The following SATB1 variants were observed in gnomAD, a reference collection of about 807,000 sequenced individuals.
The protein encoded by SATB1 is DNA-binding protein SATB1.
Under a neutral mutation model 86.9 loss-of-function variants are expected in SATB1, and 11 were observed. The observed-to-expected ratio is 0.13, with a 90% confidence interval of 0.08 to 0.21. SATB1 has a LOEUF of 0.21. Among genes scored for constraint, SATB1 ranks in the 10% least tolerant of loss-of-function variants. SATB1 has a pLI of 1.00. For missense variants in SATB1, 551 were observed against 937.6 expected (o/e 0.59, Z 5.39); for synonymous variants, 357 against 357.2 (o/e 1.00, Z 0.01).
At chr3:18,421,056 T>C in intron 1 of SATB1, 65 bp from the exon 2 acceptor site, 1 of 1,101,378 alleles carries the variant, frequency 9.1e-7, no homozygotes, top group Non-Finnish European at 1.4e-6. Flanking sequence ...ATATGTGTCC[T>C]ATGTAAATGT....
At chr3:18,418,099 C>G (rs1454858713) in intron 2 of SATB1, among the ~76,000 whole-genome samples, 4 of 152,282 alleles carry the variant, frequency 2.6e-5, no homozygotes, top group African/African-American at 7.2e-5. Flanking sequence ...CTGTGGCAAA[C>G]TGCCAGAAGG....
At chr3:18,405,339 T>C (rs922048371) in intron 5 of SATB1, among the ~76,000 whole-genome samples, 1 of 151,990 alleles carries the variant, frequency 6.6e-6, no homozygotes, top group African/African-American at 2.4e-5. Flanking sequence ...CTCTAGAGAT[T>C]ACAATTTCTA....
At chr3:18,360,759 C>T (rs533134653) in intron 9 of SATB1, among the ~76,000 whole-genome samples, 6 of 152,248 alleles carry the variant, frequency 3.9e-5, no homozygotes, top group African/African-American at 1.2e-4. Flanking sequence ...ATGCCTGCTC[C>T]ATGGTAACTA....
At chr3:18,440,012 C>T (rs1699195129), upstream of SATB1, among the ~76,000 whole-genome samples, 1 of 152,050 alleles carries the variant, frequency 6.6e-6, no homozygotes, top group African/African-American at 2.4e-5. Flanking sequence ...TCAATGAGCC[C>T]CACTTTATAT....
chr3:18,415,301 A>C (rs1698053532), intron 4 of SATB1, 67 bp from the exon 5 acceptor site: 4 of 1,577,234 alleles, frequency 2.5e-6, no homozygotes, highest in African/African-American at 1.4e-5. Flanking sequence ...ACATTCCTTT[A>C]AGACAGACAG....
chr3:18,432,167 A>AG (rs531596480), intron 2 of SATB1, among the ~76,000 whole-genome samples: 147 of 152,348 alleles, frequency 9.6e-4, no homozygotes, highest in Non-Finnish European at 1.9e-3. Context: ...GCACTTGAAC[A>AG]GAACCAAAGT....
intron 9 of SATB1, among the ~76,000 whole-genome samples, chr3:18,375,412 C>A (rs1695694867): frequency 6.6e-6 from 1 of 152,112 alleles, no homozygotes; most frequent in African/African-American, 2.4e-5. Flanking sequence ...ACAACCAGGG[C>A]AAGACACAGA....
In SATB1 at chr3:18,355,208, A is replaced by G. The variant is rs375221435; in HGVS notation, c.1576-3013T>C. The stretch of plus-strand genomic sequence containing the variant: ...CTTGATGCGCATTGCTCTTAAAAAA[A>G]TAATGGAAAACAGACATTTTGACAC... On this transcript the variant is annotated intron_variant, in intron 9 of 10. Transcript: ENST00000338745. Among the ~76,000 whole-genome samples, 205 of 152,210 alleles carry G rather than the reference A, an allele frequency of 1.3e-3. 10 individuals carry two copies. The South Asian group carries it at 0.041, about 31-fold the overall frequency.
At chr3:18,421,888 A>C (rs2125173610) in intron 1 of SATB1, among the ~76,000 whole-genome samples, 1 of 152,048 alleles carries the variant, frequency 6.6e-6, no homozygotes, top group African/African-American at 2.4e-5. Context: ...GATACTGGTA[A>C]AACAAAATAT....
chr3:18,439,510 G>A (rs1267501962), upstream of SATB1, among the ~76,000 whole-genome samples: 1 of 152,136 alleles, frequency 6.6e-6, no homozygotes, highest in African/African-American at 2.4e-5. Context: ...TTAATGTGTT[G>A]ATCACACTCT....
chr3:18,384,126 A>T (rs899214283), intron 8 of SATB1, among the ~76,000 whole-genome samples: 2 of 152,152 alleles, frequency 1.3e-5, no homozygotes, highest in Non-Finnish European at 2.9e-5. Context: ...GCTTGGTCTC[A>T]GCTCCTCTTC....
intron 9 of SATB1, among the ~76,000 whole-genome samples, chr3:18,369,322 C>CA (rs144298836): frequency 1.9e-4 from 28 of 149,792 alleles, no homozygotes; most frequent in East Asian, 1.8e-3. Flanking sequence ...CCCCCCTCCA[C>CA]AAAAAAAAAC....
At chr3:18,391,224 G>A (rs990764942) in intron 7 of SATB1, among the ~76,000 whole-genome samples, 1 of 152,064 alleles carries the variant, frequency 6.6e-6, no homozygotes, top group African/African-American at 2.4e-5. Context: ...AAGACCCAGG[G>A]TTTTAAAGTT....
At chr3:18,392,946 T>C (rs1696761274) in intron 7 of SATB1, among the ~76,000 whole-genome samples, 1 of 147,896 alleles carries the variant, frequency 6.8e-6, no homozygotes, top group African/African-American at 2.5e-5. Flanking sequence ...CTTGTGCAAC[T>C]GCCTTTTCAA....
chr3:18,404,987 C>T (rs187841259), intron 5 of SATB1, among the ~76,000 whole-genome samples: 212 of 152,104 alleles, frequency 1.4e-3, no homozygotes, highest in African/African-American at 4.8e-3. Context: ...TCTTCTCAAA[C>T]AGAGTGACTA....
chr3:18,421,542 C>T (rs2125172792), intron 1 of SATB1, among the ~76,000 whole-genome samples: 1 of 152,122 alleles, frequency 6.6e-6, no homozygotes, highest in African/African-American at 2.4e-5. Context: ...TTTTTAAACT[C>T]CCCATTGGCT....
At chr3:18,403,502 A>G (rs779980368) in intron 5 of SATB1, among the ~76,000 whole-genome samples, 2 of 152,148 alleles carry the variant, frequency 1.3e-5, no homozygotes, top group Non-Finnish European at 2.9e-5. Flanking sequence ...GTTTTATTCT[A>G]TAAGGAAAAT....
At chr3:18,396,352 C>T (rs1696965021) in intron 6 of SATB1, among the ~76,000 whole-genome samples, 1 of 151,770 alleles carries the variant, frequency 6.6e-6, no homozygotes, top group African/African-American at 2.4e-5. Context: ...ACATAATGCC[C>T]ATTCCTATAT....
chr3:18,386,037 T>C lies in SATB1; in HGVS notation c.1419+362A>G, dbSNP rs1696326813. Among the ~76,000 whole-genome samples, 1 of 152,188 alleles carries C rather than the reference T, an allele frequency of 6.6e-6. No individual in the cohort carries two copies. The highest frequency in any genetic ancestry group is 2.4e-5 in the African/African-American group (1 of 41,458). ...ATTATTTATTTTTATTTATTTACTATTCAAATGGCGATTCTGAAACCAGTT... is the reference window on the plus strand; with the variant it reads ...ATTATTTATTTTTATTTATTTACTACTCAAATGGCGATTCTGAAACCAGTT... On this transcript the variant is annotated intron_variant, in intron 8 of 10. Transcript: ENST00000338745. The surrounding 1 kb of genome is among the most constrained non-coding windows in gnomAD (Gnocchi z 4.5).
Sources: gnomAD v4.1 joint callset for allele counts (sites outside exome capture counted in the v4.1 genomes callset) on GRCh38, gnomAD v4.1.1 for gene constraint, Gnocchi (gnomAD v3.1) non-coding constraint, MANE v1.5 for transcripts, NCBI Gene and HGNC (gene_info 2026-07-23, HGNC 2026-07-21) for gene names.